PTPRG: variants seen among roughly 807,000 people sequenced by gnomAD.
PTPRG encodes the protein protein tyrosine phosphatase receptor type G, also known as receptor-type tyrosine-protein phosphatase gamma.
Under a neutral mutation model 165.3 loss-of-function variants are expected in PTPRG, and 102 were observed. The observed-to-expected ratio is 0.62, with a 90% CI of 0.53 to 0.73. The LOEUF is 0.73. PTPRG is among the 30% of genes least tolerant of loss of function. The pLI is 0.00. For missense variants in PTPRG, 1,866 were observed against 1,861.4 expected (o/e 1.00, Z -0.05); for synonymous variants, 675 against 669.5 (o/e 1.01, Z -0.13).
At chr3:62,046,128 G>A (rs544256506) in intron 4 of PTPRG, among the ~76,000 whole-genome samples, 2 of 152,220 alleles carry the variant, frequency 1.3e-5, no homozygotes, top group Admixed American at 6.5e-5. Flanking sequence ...ACCTTACTAG[G>A]GCACCCTCTC....
At chr3:61,641,035 G>A (rs999453105) in intron 1 of PTPRG, among the ~76,000 whole-genome samples, 5 of 152,114 alleles carry the variant, frequency 3.3e-5, no homozygotes, top group Non-Finnish European at 7.4e-5. Flanking sequence ...AAGATGTCCA[G>A]GCAGGTTATC....
intron 4 of PTPRG, among the ~76,000 whole-genome samples, chr3:62,065,335 T>C (rs1700976167): frequency 6.6e-6 from 1 of 152,186 alleles, no homozygotes; most frequent in South Asian, 2.1e-4. Flanking sequence ...TCCATGGTTG[T>C]GTACCGCATG....
At chr3:61,829,718 G>C (rs1264640772) in intron 2 of PTPRG, among the ~76,000 whole-genome samples, 1 of 152,188 alleles carries the variant, frequency 6.6e-6, no homozygotes, top group Non-Finnish European at 1.5e-5. Flanking sequence ...GTTGCTGTCT[G>C]ACACAGCTTC....
At chr3:62,119,508 C>T (rs1202843884) in intron 5 of PTPRG, among the ~76,000 whole-genome samples, 1 of 152,152 alleles carries the variant, frequency 6.6e-6, no homozygotes, top group Non-Finnish European at 1.5e-5. Context: ...GCCCTGGAGT[C>T]CTGTAGGGAA....
Position 61,784,087 on chromosome 3 carries a change from T to C in PTPRG, c.190+35105T>C, listed in dbSNP as rs1003506942. Reference sequence around the variant, plus strand: ...GCTGAAAAACCAAGAGGAACCTGCATAGAGAAGGCTAGGAATGGTGAAAAC... The same window carrying C: ...GCTGAAAAACCAAGAGGAACCTGCACAGAGAAGGCTAGGAATGGTGAAAAC... On this transcript the variant is annotated intron_variant, in intron 2 of 29. Transcript: ENST00000474889. Among the ~76,000 whole-genome samples, 38 of 152,218 alleles carry C rather than the reference T, an allele frequency of 2.5e-4. 1 individual carries two copies. In the East Asian group the frequency reaches 5.4e-3, roughly 22 times the overall value.
At chr3:61,681,464 G>A (rs377200819) in intron 1 of PTPRG, among the ~76,000 whole-genome samples, 9 of 152,166 alleles carry the variant, frequency 5.9e-5, no homozygotes, top group Admixed American at 2.0e-4. Context: ...ACTGGATCTC[G>A]TAATCTATTC....
At chr3:62,196,758 G>A (rs942547982) in intron 10 of PTPRG, among the ~76,000 whole-genome samples, 5 of 152,272 alleles carry the variant, frequency 3.3e-5, no homozygotes, top group African/African-American at 7.2e-5. Context: ...AGAAAACCAC[G>A]CCAGGTTAAC....
intron 1 of PTPRG, among the ~76,000 whole-genome samples, chr3:61,736,208 A>G (rs1182274892): frequency 7.1e-6 from 1 of 141,766 alleles, no homozygotes; most frequent in Non-Finnish European, 1.6e-5. Flanking sequence ...GCACCCGGCC[A>G]TTTTTTTTTT....
chr3:62,232,138 C>A (rs1189504948), intron 14 of PTPRG, among the ~76,000 whole-genome samples: 1 of 152,102 alleles, frequency 6.6e-6, no homozygotes, highest in East Asian at 1.9e-4. Flanking sequence ...TGGAATGATT[C>A]ATCTCCATTG....
intron 2 of PTPRG, among the ~76,000 whole-genome samples, chr3:61,832,527 G>T (rs1328225970): frequency 1.3e-5 from 2 of 152,096 alleles, no homozygotes; most frequent in Non-Finnish European, 2.9e-5. Context: ...TCTGTTAAGT[G>T]CTGTGTGTAC....
chr3:62,099,504 C>T (rs1175965338), intron 5 of PTPRG, among the ~76,000 whole-genome samples: 1 of 151,884 alleles, frequency 6.6e-6, no homozygotes, highest in Admixed American at 6.6e-5. Flanking sequence ...AAATTAGGTC[C>T]ATCCTGAAGT....
At chr3:61,738,053 C>T (rs1373320811) in intron 1 of PTPRG, among the ~76,000 whole-genome samples, 4 of 149,972 alleles carry the variant, frequency 2.7e-5, no homozygotes, top group African/African-American at 4.9e-5. Context: ...GGACTACAGG[C>T]GCCCGCTACC....
intron 1 of PTPRG, among the ~76,000 whole-genome samples, chr3:61,716,063 C>T (rs1010604820): frequency 2.0e-5 from 3 of 152,174 alleles, no homozygotes; most frequent in Non-Finnish European, 2.9e-5. Flanking sequence ...CATCCAGAAT[C>T]ACAGGGAAGC....
intron 1 of PTPRG, among the ~76,000 whole-genome samples, chr3:61,590,029 G>C (rs541862888): frequency 9.9e-5 from 15 of 152,128 alleles, no homozygotes; most frequent in Admixed American, 6.6e-4. Flanking sequence ...TGCTTTCCGA[G>C]ACACGTGGTA....
chr3:62,160,164 T>C (rs1704694476), intron 7 of PTPRG, among the ~76,000 whole-genome samples: 2 of 152,222 alleles, frequency 1.3e-5, no homozygotes, highest in Admixed American at 6.5e-5. Flanking sequence ...CTGCACTCAA[T>C]GAAAATTTGA....
intron 2 of PTPRG, among the ~76,000 whole-genome samples, chr3:61,773,455 A>G (rs959269231): frequency 2.6e-5 from 4 of 152,194 alleles, no homozygotes; most frequent in Admixed American, 2.6e-4. Flanking sequence ...GATGCTGTGG[A>G]TTTGGAAGAT....
chr3:62,127,495 T>C (rs951234781), intron 5 of PTPRG, among the ~76,000 whole-genome samples: 4 of 152,206 alleles, frequency 2.6e-5, no homozygotes, highest in African/African-American at 9.6e-5. Flanking sequence ...TGGAAGGCCA[T>C]GTGGAGTCTC....
At chr3:61,784,765 A>C (rs2034645414) in intron 2 of PTPRG, among the ~76,000 whole-genome samples, 1 of 152,206 alleles carries the variant, frequency 6.6e-6, no homozygotes, top group Middle Eastern at 3.2e-3. Flanking sequence ...TATGAATTAC[A>C]ATTCTTTTAA....
Position 62,152,205 on chromosome 3 carries a change from AT to A in PTPRG, c.683-4847del, listed in dbSNP as rs79099891. On this transcript the variant is annotated intron_variant, in intron 6 of 29. Coordinates refer to ENST00000474889, the MANE Select transcript of PTPRG (RefSeq NM_002841.4). Reference sequence around the variant, plus strand: ...ACACAGCAAGACCTCATGTCTACTAATTTTTTTTTTTTTTTAATTAGGCAGG... The same window carrying A: ...ACACAGCAAGACCTCATGTCTACTAATTTTTTTTTTTTTTAATTAGGCAGG... 6.8e-3 allele frequency among the ~76,000 whole-genome samples: 979 copies of A among 144,264 alleles called. 2 individuals are homozygous for A. The highest frequency in any genetic ancestry group is 9.2e-3 in the Non-Finnish European group (602 of 65,418). 94.6% of individuals were successfully genotyped at this position (144,264 alleles called of 152,430 possible). A position where few individuals can be genotyped will look rare whatever the true frequency, so the allele number is the denominator to read the frequency against.
Sources: allele counts gnomAD v4.1 joint callset (sites outside exome capture counted in the v4.1 genomes callset), GRCh38; gene constraint gnomAD v4.1.1; transcripts MANE v1.5; gene names NCBI Gene and HGNC (gene_info 2026-07-23, HGNC 2026-07-21).